ECHDC1: variants seen among roughly 807,000 people sequenced by gnomAD.
The protein encoded by ECHDC1 is ethylmalonyl-CoA decarboxylase.
Under a neutral mutation model 29.7 loss-of-function variants are expected in ECHDC1, and 29 were observed. The ratio of observed to expected loss-of-function variants is 0.98; its 90% CI spans 0.73 to 1.33. The LOEUF is 1.33. Ranked by LOEUF, ECHDC1 falls within the 40% of genes most tolerant of loss-of-function variation. The pLI is 0.00. For missense variants in ECHDC1, 328 were observed against 350.0 expected, an observed-to-expected ratio of 0.94 and a Z score of 0.50; for synonymous variants, 126 against 123.1, an observed-to-expected ratio of 1.02 and a Z score of -0.15.
At chr6:127,310,187 G>A (rs972501391) in intron 5 of ECHDC1, among the ~76,000 whole-genome samples, 1 of 152,080 alleles carries the variant, frequency 6.6e-6, no homozygotes, top group African/African-American at 2.4e-5. Context: ...GGTGACTATA[G>A]TTAATAATAT....
chr6:127,330,741 G>T, intron 2 of ECHDC1, 68 bp downstream of exon 2: 2 of 1,362,350 alleles, frequency 1.5e-6, no homozygotes, highest in Non-Finnish European at 2.0e-6. Context: ...CCACAGCAAG[G>T]ATAAAAAAAC....
chr6:127,289,604 G>GAATT lies in ECHDC1; in HGVS notation c.*261_*264dup. 1 of 357,848 alleles carries GAATT rather than the reference G, an allele frequency of 2.8e-6. No homozygotes were observed. Among genetic ancestry groups the GAATT allele is most frequent in the Non-Finnish European group, 5.0e-6 (1 of 198,784 alleles). 22.2% of individuals were successfully genotyped at this position (357,848 alleles called of 1,614,324 possible). On this transcript the variant is annotated 3_prime_UTR_variant, in exon 6 of 6. Transcript: ENST00000454859. ...ACACTGCTCTTTGGTTATAAGCTAA[G>GAATT]AATTATTATTGGAATTGACAGCAAT...
chr6:127,296,217 G>C (rs1013351060), intron 5 of ECHDC1, among the ~76,000 whole-genome samples: 1 of 151,962 alleles, frequency 6.6e-6, no homozygotes, highest in Non-Finnish European at 1.5e-5. Flanking sequence ...TTTAGACAGG[G>C]TCTTATTACT....
intron 1 of ECHDC1, among the ~76,000 whole-genome samples, chr6:127,334,237 T>G (rs1424081809): frequency 6.6e-6 from 1 of 152,166 alleles, no homozygotes; most frequent in Non-Finnish European, 1.5e-5. Flanking sequence ...GAACTCATAC[T>G]TCACGTAAAA....
intron 3 of ECHDC1, chr6:127,326,777 T>C: frequency 2.1e-6 from 1 of 479,654 alleles, no homozygotes; most frequent in Non-Finnish European, 3.7e-6. Context: ...TTTCAAAGCT[T>C]TTAACAAGAG....
rs760302611 is a variant in ECHDC1 at position 127,290,110 on chromosome 6, A to G, written c.665T>C (p.Met222Thr). The change falls in exon 6 of 6, where the codon ATG (methionine) becomes ACG (threonine). Residue 222 changes from methionine (M) to threonine (T), a missense_variant. Physicochemically the swap from Met to Thr is moderately conservative, Grantham distance 81. Coordinates refer to ENST00000454859, the MANE Select transcript of ECHDC1 (RefSeq NM_001002030.2). Reference protein sequence around the residue: ...LDSKNALNIGMVEEVLQSSDE... With the variant: ...LDSKNALNIGTVEEVLQSSDE... ...TGAAGACTGCAAGACCTCTTCAACC[A>G]TTCCTATGTTTAGAGCATTTTTTGA... 92 of 1,613,542 alleles carry G rather than the reference A, an allele frequency of 5.7e-5. No homozygotes were observed. Among genetic ancestry groups the G allele is most frequent in the Non-Finnish European group, 7.1e-5 (84 of 1,179,740 alleles).
rs906034036 is a variant in ECHDC1, at chr6:127,305,061, G to T, written c.497+9755C>A. 9.2e-5 allele frequency among the ~76,000 whole-genome samples: 14 copies of T among 152,190 alleles called. 3 individuals are homozygous for T. Among genetic ancestry groups the T allele is most frequent in the Admixed American group, 9.2e-4 (14 of 15,260 alleles). ...GATATCAATATCCAAGTACAAGAAGGTTATAGAGCAGCAAAGCAGATTGAA... is the reference window on the plus strand; with the variant it reads ...GATATCAATATCCAAGTACAAGAAGTTTATAGAGCAGCAAAGCAGATTGAA... On this transcript the variant is annotated intron_variant, in intron 5 of 5. Transcript: ENST00000454859.
intron 2 of ECHDC1, among the ~76,000 whole-genome samples, chr6:127,327,744 C>T (rs1783491054): frequency 6.6e-6 from 1 of 152,150 alleles, no homozygotes; most frequent in African/African-American, 2.4e-5. Flanking sequence ...CTTCACAGGC[C>T]TACCAACCAT....
At chr6:127,341,612 G>A (rs1267543880) in intron 1 of ECHDC1, 5 of 152,140 alleles carry the variant, frequency 3.3e-5, no homozygotes, top group Non-Finnish European at 7.4e-5. Flanking sequence ...AGATTCAGTG[G>A]AGCTGAACAA....
chr6:127,310,716 T>C (rs1287580141), intron 5 of ECHDC1, among the ~76,000 whole-genome samples: 1 of 152,220 alleles, frequency 6.6e-6, no homozygotes, highest in African/African-American at 2.4e-5. Context: ...ATTTGATAAA[T>C]CAACGGCAGA....
intron 1 of ECHDC1, chr6:127,342,535 T>C: frequency 3.3e-6 from 2 of 607,800 alleles, no homozygotes; most frequent in Non-Finnish European, 5.5e-6. Flanking sequence ...ACAAATATAC[T>C]TCTCACCACA....
intron 3 of ECHDC1, among the ~76,000 whole-genome samples, chr6:127,319,750 A>G (rs751651058): frequency 6.6e-6 from 1 of 152,234 alleles, no homozygotes; most frequent in Admixed American, 6.5e-5. Flanking sequence ...TGCTGCAGAC[A>G]GTGATATTTT....
At chr6:127,324,528 T>G (rs1027515785) in intron 3 of ECHDC1, among the ~76,000 whole-genome samples, 1 of 152,180 alleles carries the variant, frequency 6.6e-6, no homozygotes, top group African/African-American at 2.4e-5. Context: ...GCTATATCAA[T>G]GTACTTGAAA....
chr6:127,309,803 A>G (rs992493066), intron 5 of ECHDC1, among the ~76,000 whole-genome samples: 1 of 152,342 alleles, frequency 6.6e-6, no homozygotes, highest in Non-Finnish European at 1.5e-5. Flanking sequence ...CAGAAGGCGA[A>G]GCGGAAGCAG....
chr6:127,316,348 T>C (rs1351131068), intron 4 of ECHDC1, 102 bp downstream of exon 4: 2 of 975,558 alleles, frequency 2.1e-6, no homozygotes, highest in Non-Finnish European at 1.6e-6. Context: ...TAGATGTAAT[T>C]TGAAAATTAG....
rs1425865558 is a variant in ECHDC1, at chr6:127,289,902, C to T, written c.873G>A (p.Glu291=). ...TAAATTTTCCTTTCTTAGCAATAGC[C>T]TCTAAATTTGCAGGCCCACCCCAAA... The part of the protein sequence containing the change: ...GTVWGGPANL[E]AIAKKGKFNK The change falls in exon 6 of 6, where the codon GAG becomes GAA. Residue 291 remains glutamate (E), a synonymous_variant. Transcript: ENST00000454859. 2.5e-6 allele frequency: 4 copies of T among 1,611,680 alleles called. No individual in the cohort carries two copies. The highest frequency in any genetic ancestry group is 2.5e-6 in the Non-Finnish European group (3 of 1,179,056).
chr6:127,311,669 C>CAAAAAAAA (rs71272311), intron 5 of ECHDC1, among the ~76,000 whole-genome samples: 21 of 25,028 alleles, frequency 8.4e-4, no homozygotes, highest in Non-Finnish European at 1.3e-3. Flanking sequence ...GGCTCTGTCT[C>CAAAAAAAA]AAAAAAAAAA....
At chr6:127,305,056 A>G (rs1433909706) in intron 5 of ECHDC1, among the ~76,000 whole-genome samples, 1 of 152,200 alleles carries the variant, frequency 6.6e-6, no homozygotes, top group Non-Finnish European at 1.5e-5. Context: ...TCCAAGTACA[A>G]GAAGGTTATA....
intron 5 of ECHDC1, among the ~76,000 whole-genome samples, chr6:127,309,337 G>A (rs1356549887): frequency 2.0e-5 from 3 of 152,034 alleles, no homozygotes; most frequent in African/African-American, 7.3e-5. Flanking sequence ...ATACACTGGA[G>A]AAAACACAGT....
Sources: gnomAD v4.1 joint callset for allele counts (sites outside exome capture counted in the v4.1 genomes callset) on GRCh38, gnomAD v4.1.1 for gene constraint, MANE v1.5 for transcripts, NCBI Gene and HGNC (gene_info 2026-07-23, HGNC 2026-07-21) for gene names.